PAICS: variants seen among roughly 807,000 people sequenced by gnomAD.
The protein encoded by PAICS is bifunctional phosphoribosylaminoimidazole carboxylase/phosphoribosylaminoimidazole succinocarboxamide synthetase.
PAICS carries 33 observed loss-of-function variants against 53.7 expected under a neutral mutation model. The ratio of observed to expected loss-of-function variants is 0.61; its 90% confidence interval spans 0.47 to 0.82. The LOEUF (loss-of-function observed/expected upper bound fraction) is 0.82, where lower values mean the gene tolerates loss of function less well. PAICS is among the 40% of genes least tolerant of loss of function. PAICS has a pLI of 0.00. For synonymous variants in PAICS, 141 were observed against 167.2 expected, an observed-to-expected ratio of 0.84 and a Z score of 1.21; for missense variants, 394 against 494.1, an observed-to-expected ratio of 0.80 and a Z score of 1.92.
chr4:56,456,706 G>A lies in PAICS; in HGVS notation c.1112-2666G>A, dbSNP rs540306927. ...TTGGGTAGGAACCACTGCCTCTGGG[G>A]TTTTTTTTTTTTTTTTTACACAATG... On this transcript the variant is annotated intron_variant, in intron 8 of 8. Coordinates refer to ENST00000512576, the MANE Select transcript of PAICS (RefSeq NM_001079524.2). 1.3e-3 allele frequency among the ~76,000 whole-genome samples: 176 copies of A among 135,502 alleles called. 2 individuals carry two copies. The highest frequency in any genetic ancestry group is 4.7e-3 in the African/African-American group (175 of 36,968). The allele number at this position is 135,502 out of a possible 152,430, so 88.9% of individuals were successfully genotyped here.
At chr4:56,431,076 A>G (rs895840321), upstream of PAICS, among the ~76,000 whole-genome samples, 2 of 152,190 alleles carry the variant, frequency 1.3e-5, no homozygotes, top group Non-Finnish European at 2.9e-5. Context: ...AACTAAAATC[A>G]AAGACTGGAA....
At position 56,441,766 on chromosome 4, in the gene PAICS, A is replaced by G; in HGVS notation, c.120A>G (p.Thr40=). 6.2e-7 allele frequency: 1 copy of G among 1,605,094 alleles called. No homozygotes were observed. The highest frequency in any genetic ancestry group is 8.5e-7 in the Non-Finnish European group (1 of 1,175,180). The change falls in exon 2 of 9, where the codon ACA becomes ACG. Residue 40 remains threonine (T), a synonymous_variant. Transcript: ENST00000512576. ...TCCTGCAGTCCAAGGACCAGATTAC[A>G]GCAGGAAATGCAGCTAGAAAAAACC... ...KVLLQSKDQI[T]AGNAARKNHL...
chr4:56,459,315 TG>T, intron 8 of PAICS, 56 bp from the exon 9 acceptor site: 1 of 1,303,690 alleles, frequency 7.7e-7, no homozygotes, highest in East Asian at 2.4e-5. Context: ...TTTGTAAGGT[TG>T]TATTTTCATT....
At chr4:56,428,929 TTTTA>T in the PAICS span, 1 of 911,722 alleles carries the variant, frequency 1.1e-6, no homozygotes, top group South Asian at 5.1e-5. Flanking sequence ...TTTCCTGTGT[TTTTA>T]TTTAAGAATT....
At chr4:56,449,961 C>T (rs922111962) in intron 5 of PAICS, among the ~76,000 whole-genome samples, 5 of 147,070 alleles carry the variant, frequency 3.4e-5, no homozygotes, top group East Asian at 2.0e-4. Flanking sequence ...GTTGACAGAG[C>T]GAGACTCTGT....
At chr4:56,438,397 ATATAT>A (rs1718152455) in intron 1 of PAICS, among the ~76,000 whole-genome samples, 4 of 103,372 alleles carry the variant, frequency 3.9e-5, no homozygotes, top group African/African-American at 1.5e-4. Context: ...ATATATATAT[ATATAT>A]AAAAGGTTTT....
At chr4:56,419,749 G>A in the PAICS span, 6 of 984,410 alleles carry the variant, frequency 6.1e-6, no homozygotes, top group Non-Finnish European at 6.0e-6. Flanking sequence ...AGCATACAAC[G>A]ACAACTAGAG....
At chr4:56,446,252 C>T in intron 2 of PAICS, 1 of 612,826 alleles carries the variant, frequency 1.6e-6, no homozygotes, top group Non-Finnish European at 3.0e-6. Flanking sequence ...AGAACTTTTT[C>T]ATCATCCCAA....
the PAICS span, among the ~76,000 whole-genome samples, chr4:56,429,647 T>C: frequency 6.6e-6 from 1 of 152,212 alleles, no homozygotes; most frequent in Admixed American, 6.5e-5. Flanking sequence ...TAATGCCTTA[T>C]AGATTTATAA....
chr4:56,448,232 C>T (rs1273432625), intron 3 of PAICS, among the ~76,000 whole-genome samples, 186 bp from the exon 4 acceptor site: 1 of 151,978 alleles, frequency 6.6e-6, no homozygotes, highest in Non-Finnish European at 1.5e-5. Context: ...GTCTCGAACT[C>T]CTGATCTTGT....
chr4:56,428,910 A>G, the PAICS span: 9 of 721,616 alleles, frequency 1.2e-5, no homozygotes, highest in Non-Finnish European at 1.5e-5. Flanking sequence ...GATGTCACAT[A>G]ATGATTCTTT....
the PAICS span, among the ~76,000 whole-genome samples, chr4:56,418,532 T>C: frequency 6.6e-6 from 1 of 151,920 alleles, no homozygotes; most frequent in Non-Finnish European, 1.5e-5. Flanking sequence ...GTTGGGAGGC[T>C]GGTCTCCAAC....
At chr4:56,416,844 C>T in the PAICS span, among the ~76,000 whole-genome samples, 4 of 151,878 alleles carry the variant, frequency 2.6e-5, no homozygotes, top group Non-Finnish European at 2.9e-5. Flanking sequence ...AGTGTAAATC[C>T]TTCTTTGCTT....
Position 56,459,577 on chromosome 4 carries a change from A to G in PAICS, c.*39A>G, listed in dbSNP as rs1383895565. 1 of 1,424,646 alleles carries G rather than the reference A, an allele frequency of 7.0e-7. No individual in the cohort carries two copies. Among genetic ancestry groups the G allele is most frequent in the African/African-American group, 1.4e-5 (1 of 70,474 alleles). The allele number at this position is 1,424,646 out of a possible 1,614,324, so 88.3% of individuals were successfully genotyped here. A position where few individuals can be genotyped will look rare whatever the true frequency, so the allele number is the denominator to read the frequency against. ...TGAATTTTTTAGGGGAAAAACTACA[A>G]ATTTCTAATTTAGCTGAAGGAAAAT... is the stretch of plus-strand genomic sequence containing the variant. On this transcript the variant is annotated 3_prime_UTR_variant, in exon 9 of 9. Transcript: ENST00000512576.
At position 56,436,298 on chromosome 4, in the gene PAICS, A is replaced by T; in HGVS notation, c.-15A>T. The stretch of plus-strand genomic sequence containing the variant: ...GCTTCCCGGCGCGGTCGCAGCCCTC[A>T]GCCCACTTAGGATAATGGCGACAGC... On this transcript the variant is annotated 5_prime_UTR_variant, in exon 1 of 9. Coordinates refer to ENST00000512576, the MANE Select transcript of PAICS (RefSeq NM_001079524.2). 6.2e-7 allele frequency: 1 copy of T among 1,600,806 alleles called. No individual in the cohort carries two copies.
the PAICS span, among the ~76,000 whole-genome samples, chr4:56,417,138 T>G: frequency 6.6e-6 from 1 of 152,156 alleles, no homozygotes. Context: ...CGTGAGCCAC[T>G]GCACCCGGCC....
chr4:56,446,859 GA>G lies in PAICS; in HGVS notation c.380del (p.Glu127GlyfsTer19). 6.2e-7 allele frequency: 1 copy of G among 1,603,808 alleles called. No individual in the cohort carries two copies. ...EGYKFYPPKV[E>X]LFFKDDANND... ...ATATAAGTTTTACCCACCTAAAGTG[GA>G]GTTGTTTTTCAAGGTAATTATCTTA... On this transcript the variant is annotated frameshift_variant, in exon 3 of 9. Coordinates refer to ENST00000512576, the MANE Select transcript of PAICS (RefSeq NM_001079524.2). LOFTEE classifies it high-confidence loss of function.
the PAICS span, among the ~76,000 whole-genome samples, chr4:56,415,591 A>G: frequency 0.027 from 4,060 of 152,254 alleles, 198 homozygotes; most frequent in African/African-American, 0.092. Context: ...GGAAACTTTA[A>G]TATGTATCAA....
chr4:56,438,371 T>TTATATATATATATATATATA (rs61681463), intron 1 of PAICS, among the ~76,000 whole-genome samples: 16 of 113,622 alleles, frequency 1.4e-4, no homozygotes, highest in Non-Finnish European at 2.3e-4. Flanking sequence ...TGCAATGTGT[T>TTATATATATATATATATATA]TATATATATA....
Sources: allele counts gnomAD v4.1 joint callset (sites outside exome capture counted in the v4.1 genomes callset), GRCh38; gene constraint gnomAD v4.1.1; transcripts MANE v1.5; gene names NCBI Gene and HGNC (gene_info 2026-07-23, HGNC 2026-07-21).